The following TRMT11 variants were observed in gnomAD, a reference collection of about 807,000 sequenced individuals.
The protein encoded by TRMT11 is tRNA (guanine(10)-N(2))-methyltransferase TRMT11.
In TRMT11, 53 loss-of-function variants were observed where a neutral mutation model predicts 62.8. That is an observed-to-expected ratio of 0.84 (90% CI 0.68 to 1.06). TRMT11 has a LOEUF of 1.06. TRMT11 is among the 50% of genes least tolerant of loss of function. TRMT11 has a pLI of 0.00. For missense variants in TRMT11, 556 were observed against 553.4 expected, an observed-to-expected ratio of 1.00 and a Z score of -0.05; for synonymous variants, 188 against 190.3, an observed-to-expected ratio of 0.99 and a Z score of 0.10.
intron 6 of TRMT11, among the ~76,000 whole-genome samples, chr6:125,999,124 T>G (rs1174320340): frequency 1.3e-5 from 2 of 152,092 alleles, no homozygotes; most frequent in African/African-American, 4.8e-5. Flanking sequence ...AATGGGTGAT[T>G]GGAAGCTGTG....
intron 17 of TRMT11, among the ~76,000 whole-genome samples, chr6:126,090,637 A>C (rs1777263428): frequency 6.6e-6 from 1 of 152,120 alleles, no homozygotes; most frequent in African/African-American, 2.4e-5. Context: ...TCTCTTGAAA[A>C]TTTGAGATTC....
At chr6:126,080,918 A>T (rs980249461) in intron 17 of TRMT11, among the ~76,000 whole-genome samples, 5 of 152,202 alleles carry the variant, frequency 3.3e-5, no homozygotes, top group African/African-American at 1.2e-4. Flanking sequence ...GTTTAGAGCC[A>T]TTATGGTAAG....
At chr6:126,261,863 G>A in the TRMT11 span, among the ~76,000 whole-genome samples, 1 of 152,194 alleles carries the variant, frequency 6.6e-6, no homozygotes, top group Non-Finnish European at 1.5e-5. Context: ...CAGGGAGGTG[G>A]AGTTCATTAC....
At chr6:126,257,246 G>A in the TRMT11 span, among the ~76,000 whole-genome samples, 1 of 151,556 alleles carries the variant, frequency 6.6e-6, no homozygotes, top group Admixed American at 6.6e-5. Context: ...CTATTTTGGG[G>A]TCTAAAAGGT....
At chr6:126,221,208 G>T in the TRMT11 span, among the ~76,000 whole-genome samples, 1 of 152,138 alleles carries the variant, frequency 6.6e-6, no homozygotes, top group Non-Finnish European at 1.5e-5. Flanking sequence ...TGTGAATAGG[G>T]CTGCAATGAA....
At chr6:126,166,133 C>T (rs1366661363) in intron 21 of TRMT11, among the ~76,000 whole-genome samples, 1 of 152,092 alleles carries the variant, frequency 6.6e-6, no homozygotes, top group East Asian at 1.9e-4. Context: ...TCAGCTCCAT[C>T]AGGTCATTTA....
At chr6:126,127,707 A>G (rs1288804269) in intron 21 of TRMT11, among the ~76,000 whole-genome samples, 1 of 123,386 alleles carries the variant, frequency 8.1e-6, no homozygotes, top group African/African-American at 3.2e-5. Context: ...TCCTGTGTCC[A>G]TGTGTTCTCA....
At chr6:126,257,816 C>T in the TRMT11 span, 2 of 816,518 alleles carry the variant, frequency 2.4e-6, no homozygotes, top group Non-Finnish European at 4.1e-6. Context: ...AAGAGACCTG[C>T]TCATGGCACT....
At chr6:126,217,507 G>A in the TRMT11 span, among the ~76,000 whole-genome samples, 2 of 152,118 alleles carry the variant, frequency 1.3e-5, no homozygotes, top group African/African-American at 2.4e-5. Flanking sequence ...AGATACCACC[G>A]GGATGGTCTT....
the TRMT11 span, among the ~76,000 whole-genome samples, chr6:126,233,191 A>G: frequency 6.6e-6 from 1 of 152,184 alleles, no homozygotes; most frequent in Non-Finnish European, 1.5e-5. Flanking sequence ...TTTCCTCACT[A>G]TAAAAGGCAA....
chr6:126,185,307 G>A (rs538117210), intron 1 of TRMT11, among the ~76,000 whole-genome samples: 18 of 152,258 alleles, frequency 1.2e-4, no homozygotes, highest in Non-Finnish European at 2.4e-4. Flanking sequence ...TCTCCAGGAA[G>A]CCATCACAAA....
chr6:126,083,119 T>C (rs1777176860), intron 17 of TRMT11, among the ~76,000 whole-genome samples: 2 of 152,270 alleles, frequency 1.3e-5, no homozygotes, highest in South Asian at 4.1e-4. Flanking sequence ...CCTCTTCTTG[T>C]TTTTAACCAT....
chr6:126,206,636 G>T (rs1778794379), downstream of TRMT11, among the ~76,000 whole-genome samples: 1 of 152,132 alleles, frequency 6.6e-6, no homozygotes, highest in Admixed American at 6.5e-5. Flanking sequence ...TATTTATTGA[G>T]TGCTGCTAGT....
the TRMT11 span, among the ~76,000 whole-genome samples, chr6:126,263,868 G>C: frequency 6.6e-6 from 1 of 152,216 alleles, no homozygotes; most frequent in Non-Finnish European, 1.5e-5. Flanking sequence ...GCGATTAAGA[G>C]CAGTTTCTAT....
At chr6:126,151,433 C>T (rs1778036109) in intron 21 of TRMT11, among the ~76,000 whole-genome samples, 1 of 151,848 alleles carries the variant, frequency 6.6e-6, no homozygotes, top group South Asian at 2.1e-4. Flanking sequence ...TGATTTCTTC[C>T]TTCCTCTCTT....
intron 21 of TRMT11, among the ~76,000 whole-genome samples, chr6:126,133,710 A>G (rs757574557): frequency 1.3e-5 from 2 of 152,012 alleles, no homozygotes; most frequent in Admixed American, 6.6e-5. Context: ...AAGAAAATCA[A>G]CATATGCTTT....
At chr6:126,151,892 T>TTC (rs1251682719) in intron 21 of TRMT11, among the ~76,000 whole-genome samples, 487 of 44,904 alleles carry the variant, frequency 0.011, 6 homozygotes, top group South Asian at 0.019. Flanking sequence ...TTCCTTGTCT[T>TTC]TTTCTTTCTT....
chr6:126,194,900 A>T (rs1260674810), intron 1 of TRMT11, among the ~76,000 whole-genome samples: 2 of 152,122 alleles, frequency 1.3e-5, no homozygotes, highest in Admixed American at 1.3e-4. Context: ...GGATTACTTG[A>T]GCCCAAGAGT....
At chr6:126,126,594 G>A (rs914382757) in intron 21 of TRMT11, among the ~76,000 whole-genome samples, 18 of 151,980 alleles carry the variant, frequency 1.2e-4, no homozygotes, top group Non-Finnish European at 1.2e-4. Flanking sequence ...CAAACCTCAC[G>A]CTGTGCCTTC....
Sources: allele counts gnomAD v4.1 joint callset (sites outside exome capture counted in the v4.1 genomes callset), GRCh38; gene constraint gnomAD v4.1.1; transcripts MANE v1.5; gene names NCBI Gene and HGNC (gene_info 2026-07-23, HGNC 2026-07-21).